ATP9B: variants seen among roughly 807,000 people sequenced by gnomAD.
ATP9B encodes ATPase phospholipid transporting 9B.
Under a neutral mutation model 146.1 loss-of-function variants are expected in ATP9B, and 110 were observed. The observed-to-expected ratio is 0.75, with a 90% CI of 0.65 to 0.88. The LOEUF is 0.88. Among genes scored for constraint, ATP9B ranks in the 40% least tolerant of loss-of-function variants. The probability of loss-of-function intolerance (pLI) is 0.00; values close to 1 mark genes in which losing one functional copy is unlikely to be tolerated. For synonymous variants in ATP9B, 604 were observed against 569.7 expected (o/e 1.06, Z -0.86); for missense variants, 1,499 against 1,496.4 (o/e 1.00, Z -0.03).
intron 9 of ATP9B, among the ~76,000 whole-genome samples, chr18:79,198,978 GTCTCAC>G (rs1005629191): frequency 6.6e-6 from 1 of 151,478 alleles, no homozygotes; most frequent in African/African-American, 2.4e-5. Context: ...TTTTGAGACA[GTCTCAC>G]TCTGTTGCCC....
At chr18:79,168,903 TCTC>T (rs1371730375) in intron 7 of ATP9B, among the ~76,000 whole-genome samples, 2 of 152,002 alleles carry the variant, frequency 1.3e-5, no homozygotes, top group Admixed American at 6.5e-5. Flanking sequence ...GCCTCATTCT[TCTC>T]CTTGCCACAT....
At chr18:79,117,692 A>G (rs534656499) in intron 4 of ATP9B, 1 of 152,200 alleles carries the variant, frequency 6.6e-6, no homozygotes, top group African/African-American at 2.4e-5. Flanking sequence ...TATATATTGC[A>G]TGTATTCACA....
In ATP9B at chr18:79,330,778, A is replaced by G. The variant is rs1295807011; in HGVS notation, c.2028+674A>G. Among the ~76,000 whole-genome samples, 5 of 152,244 alleles carry G rather than the reference A, an allele frequency of 3.3e-5. No homozygotes were observed. In the East Asian group the frequency reaches 9.6e-4, roughly 29 times the overall value. On this transcript the variant is annotated intron_variant, in intron 17 of 29. Transcript: ENST00000426216. The stretch of plus-strand genomic sequence containing the variant: ...TGTGTGTGAGTGCGTGTCAATCTAT[A>G]CAAGTAGGTCCTTACAAAGAATATT...
chr18:79,151,833 G>A (rs186161250), intron 6 of ATP9B, among the ~76,000 whole-genome samples: 17 of 151,736 alleles, frequency 1.1e-4, no homozygotes, highest in Admixed American at 2.6e-4. Flanking sequence ...TCAACCCGTC[G>A]TCTACATTAG....
intron 13 of ATP9B, among the ~76,000 whole-genome samples, chr18:79,286,190 T>C (rs2096438967): frequency 6.6e-6 from 1 of 151,854 alleles, no homozygotes; most frequent in Non-Finnish European, 1.5e-5. Flanking sequence ...TGGCATTGAA[T>C]CTATAAATTA....
chr18:79,234,633 TGTGCTGCTGTGGGC>T (rs1568460714), intron 11 of ATP9B, among the ~76,000 whole-genome samples: 1 of 137,118 alleles, frequency 7.3e-6, no homozygotes, highest in Non-Finnish European at 1.7e-5. Flanking sequence ...TTGCTGTGGG[TGTGCTGCTGTGGGC>T]GTGCTTCGTG....
At chr18:79,166,915 G>T (rs549763332) in intron 7 of ATP9B, among the ~76,000 whole-genome samples, 6 of 152,150 alleles carry the variant, frequency 3.9e-5, no homozygotes, top group African/African-American at 1.2e-4. Context: ...AGCGAGCGTG[G>T]GATCTGGCCA....
intron 7 of ATP9B, among the ~76,000 whole-genome samples, chr18:79,160,803 G>A (rs560229975): frequency 6.6e-6 from 1 of 152,106 alleles, no homozygotes; most frequent in African/African-American, 2.4e-5. Flanking sequence ...AGGAGGTCTC[G>A]CTTTGTCACC....
chr18:79,339,701 CATG>C (rs1232135217), intron 19 of ATP9B, among the ~76,000 whole-genome samples: 2 of 149,986 alleles, frequency 1.3e-5, no homozygotes, highest in Admixed American at 1.3e-4. Flanking sequence ...GGAAGTGTAT[CATG>C]ATTGCAGTAG....
intron 7 of ATP9B, among the ~76,000 whole-genome samples, chr18:79,161,144 AG>A (rs1287458356): frequency 1.5e-4 from 23 of 152,228 alleles, no homozygotes; most frequent in Non-Finnish European, 2.9e-4. Context: ...ATAGTAAGAC[AG>A]AAAAACGTAA....
chr18:79,368,075 C>A (rs1174166615), intron 26 of ATP9B, among the ~76,000 whole-genome samples: 2 of 152,086 alleles, frequency 1.3e-5, no homozygotes, highest in Non-Finnish European at 2.9e-5. Context: ...CTGGAGGGCG[C>A]CATGGCCCCG....
At chr18:79,213,736 G>T (rs1427658695) in intron 10 of ATP9B, among the ~76,000 whole-genome samples, 4 of 152,148 alleles carry the variant, frequency 2.6e-5, no homozygotes, top group Non-Finnish European at 4.4e-5. Flanking sequence ...AATGTTATAT[G>T]TGGGTACATT....
At chr18:79,120,612 C>A (rs1366112418) in intron 4 of ATP9B, among the ~76,000 whole-genome samples, 1 of 152,142 alleles carries the variant, frequency 6.6e-6, no homozygotes, top group African/African-American at 2.4e-5. Context: ...CAGAACAATT[C>A]TTTAAAGCAA....
chr18:79,202,663 G>C (rs1362424455), intron 9 of ATP9B, among the ~76,000 whole-genome samples: 1 of 152,188 alleles, frequency 6.6e-6, no homozygotes, highest in Non-Finnish European at 1.5e-5. Context: ...TCTTTATTCT[G>C]TGCTTCATGA....
At chr18:79,072,408 C>A (rs952716836) in intron 1 of ATP9B, among the ~76,000 whole-genome samples, 1 of 152,140 alleles carries the variant, frequency 6.6e-6, no homozygotes, top group South Asian at 2.1e-4. Context: ...CTTGCACCGC[C>A]CTTAATCCAT....
At chr18:79,325,154 C>G (rs555375655) in intron 15 of ATP9B, among the ~76,000 whole-genome samples, 62 of 152,308 alleles carry the variant, frequency 4.1e-4, no homozygotes, top group African/African-American at 1.5e-3. Flanking sequence ...ATTCTTTCCT[C>G]CCCAGTCTAG....
chr18:79,372,923 T>A (rs764193676), intron 27 of ATP9B, 41 bp downstream of exon 27: 1 of 1,426,532 alleles, frequency 7.0e-7, no homozygotes, highest in African/African-American at 1.4e-5. Flanking sequence ...AAGATTTTTT[T>A]ATTTTGGTCT....
At chr18:79,172,879 T>C (rs186573121) in intron 7 of ATP9B, among the ~76,000 whole-genome samples, 210 of 152,358 alleles carry the variant, frequency 1.4e-3, no homozygotes, top group Non-Finnish European at 2.3e-3. Flanking sequence ...TAAGTTTTTA[T>C]TTCTCCAGAT....
At chr18:79,133,539 ACTCT>A (rs1460867596) in intron 5 of ATP9B, among the ~76,000 whole-genome samples, 3 of 150,910 alleles carry the variant, frequency 2.0e-5, no homozygotes, top group Non-Finnish European at 3.0e-5. Flanking sequence ...ACACACACTC[ACTCT>A]CAAGTGGGTA....
Sources: gnomAD v4.1 joint callset for allele counts (sites outside exome capture counted in the v4.1 genomes callset) on GRCh38, gnomAD v4.1.1 for gene constraint, MANE v1.5 for transcripts, NCBI Gene and HGNC (gene_info 2026-07-23, HGNC 2026-07-21) for gene names.